The following MEGF11 variants were observed in gnomAD, a reference collection of about 807,000 sequenced individuals.
MEGF11 encodes multiple epidermal growth factor-like domains protein 11.
MEGF11 carries 126 observed loss-of-function variants against 146.6 expected under a neutral mutation model. The ratio of observed to expected loss-of-function variants is 0.86; its 90% CI spans 0.74 to 1.00. The LOEUF (loss-of-function observed/expected upper bound fraction) is 1.00, where lower values mean the gene tolerates loss of function less well. Among genes scored for constraint, MEGF11 ranks in the 50% least tolerant of loss-of-function variants. The pLI, the probability that MEGF11 is intolerant of heterozygous loss-of-function variation, is 0.00. For synonymous variants in MEGF11, 532 were observed against 583.4 expected, an observed-to-expected ratio of 0.91 and a Z score of 1.27; for missense variants, 1,509 against 1,521.2, an observed-to-expected ratio of 0.99 and a Z score of 0.13.
At chr15:65,932,766 G>A (rs75069860) in intron 10 of MEGF11, among the ~76,000 whole-genome samples, 1 of 151,960 alleles carries the variant, frequency 6.6e-6, no homozygotes, top group East Asian at 1.9e-4. Context: ...CGGAGCAAGT[G>A]GTCACTGGAT....
intron 21 of MEGF11, among the ~76,000 whole-genome samples, chr15:65,910,184 CT>C (rs1196894338): frequency 6.6e-6 from 1 of 152,142 alleles, no homozygotes; most frequent in Admixed American, 6.5e-5. Flanking sequence ...AGAGGGAAGT[CT>C]TGAGGCTGCC....
At chr15:65,918,656 C>T (rs2079079393) in intron 15 of MEGF11, among the ~76,000 whole-genome samples, 2 of 152,264 alleles carry the variant, frequency 1.3e-5, no homozygotes, top group South Asian at 4.1e-4. Flanking sequence ...AGCTCAACAT[C>T]TTCCTCAAGA....
intron 8 of MEGF11, among the ~76,000 whole-genome samples, chr15:65,965,613 CTTTTTT>C (rs1186551497): frequency 8.0e-4 from 43 of 53,552 alleles, no homozygotes; most frequent in South Asian, 1.9e-3. Flanking sequence ...TTTTTTTTTT[CTTTTTT>C]TTTTTTTTGG....
intron 5 of MEGF11, among the ~76,000 whole-genome samples, chr15:66,071,923 G>A (rs2085384432): frequency 1.3e-5 from 2 of 152,176 alleles, no homozygotes; most frequent in South Asian, 4.1e-4. Context: ...GCATCTGACG[G>A]AATAAATGAG....
At chr15:66,034,625 G>T (rs2140257374) in intron 5 of MEGF11, among the ~76,000 whole-genome samples, 1 of 152,148 alleles carries the variant, frequency 6.6e-6, no homozygotes, top group South Asian at 2.1e-4. Context: ...TTACCATGTT[G>T]CCCAGGATGG....
intron 4 of MEGF11, among the ~76,000 whole-genome samples, chr15:66,099,114 C>G (rs1013811403): frequency 1.3e-5 from 2 of 152,128 alleles, no homozygotes; most frequent in Non-Finnish European, 2.9e-5. Flanking sequence ...GCCAAACACT[C>G]TCCTGGGTTG....
chr15:66,233,245 T>C (rs112217701), intron 1 of MEGF11, among the ~76,000 whole-genome samples: 3 of 152,236 alleles, frequency 2.0e-5, no homozygotes, highest in Admixed American at 1.3e-4. Flanking sequence ...ATTATTATTT[T>C]GTTTGTTTGA....
intron 13 of MEGF11, among the ~76,000 whole-genome samples, chr15:65,923,868 GCCCCAGC>G (rs2079266898): frequency 6.6e-6 from 1 of 152,168 alleles, no homozygotes; most frequent in Admixed American, 6.5e-5. Flanking sequence ...GAGGCTGGAT[GCCCCAGC>G]TCTGGGGTAG....
At position 66,019,971 on chromosome 15, in the gene MEGF11, ACT is replaced by A. The variant is rs369445433; in HGVS notation, c.395-37485_395-37484del. ...GCCCATTCCAAGACAGCCCATGGCC[ACT>A]CCGGTAAGCACACGGAGGTGGGGTT... On this transcript the variant is annotated intron_variant, in intron 5 of 25. Transcript: ENST00000395614. 1.3e-4 allele frequency among the ~76,000 whole-genome samples: 20 copies of A among 151,934 alleles called. No homozygotes were observed. The East Asian group carries it at 3.3e-3, about 25-fold the overall frequency.
intron 1 of MEGF11, among the ~76,000 whole-genome samples, chr15:66,212,066 A>G (rs2091472420): frequency 6.9e-4 from 1 of 1,446 alleles, no homozygotes; most frequent in Non-Finnish European, 1.8e-3. Flanking sequence ...AGGGGGAGAC[A>G]GCCCAACCTC....
At chr15:65,909,602 G>A in intron 22 of MEGF11, 138 bp downstream of exon 22, 1 of 796,864 alleles carries the variant, frequency 1.3e-6, no homozygotes, top group South Asian at 1.7e-5. Context: ...TCATCTGCTT[G>A]TGAGAGCCAA....
intron 21 of MEGF11, among the ~76,000 whole-genome samples, chr15:65,911,613 A>G (rs927599941): frequency 6.6e-6 from 1 of 152,138 alleles, no homozygotes; most frequent in Non-Finnish European, 1.5e-5. Flanking sequence ...GGGTTTCACC[A>G]TCTTGGCCAG....
rs145105708 is a variant in MEGF11 at position 66,122,303 on chromosome 15, G to A, written c.200+1596C>T. Among the ~76,000 whole-genome samples the A allele has an allele frequency of 3.4e-3, 523 of 151,610 alleles. 2 individuals carry two copies. Among genetic ancestry groups the A allele is most frequent in the African/African-American group, 0.012 (489 of 41,324 alleles). ...CTATGCAGAAAAAAAAAAGCAATCA[G>A]TGAAGACCAACCCTGAGATGACCCA... is the stretch of plus-strand genomic sequence containing the variant. On this transcript the variant is annotated intron_variant, in intron 3 of 25. Coordinates refer to ENST00000395614, the MANE Select transcript of MEGF11 (RefSeq NM_001385028.1).
chr15:65,918,169 A>G, intron 15 of MEGF11, 75 bp from the exon 16 acceptor site: 1 of 1,587,808 alleles, frequency 6.3e-7, no homozygotes, highest in Non-Finnish European at 8.6e-7. Flanking sequence ...CCTCATCCCT[A>G]GAAGTTCCCA....
Position 66,050,015 on chromosome 15 carries a change from C to T in MEGF11, c.394+44387G>A, listed in dbSNP as rs562395721. Among the ~76,000 whole-genome samples, 65 of 152,296 alleles carry T rather than the reference C, an allele frequency of 4.3e-4. 1 individual carries two copies. The highest frequency in any genetic ancestry group is 1.4e-3 in the South Asian group (7 of 4,830). The stretch of plus-strand genomic sequence containing the variant: ...ACTGAGGATACAGTCAAGAATTAGA[C>T]AAATCTAGTCTCTGCTCTCATGGAA... On this transcript the variant is annotated intron_variant, in intron 5 of 25. Coordinates refer to ENST00000395614, the MANE Select transcript of MEGF11 (RefSeq NM_001385028.1).
At chr15:65,907,664 T>C (rs2141167151) in intron 23 of MEGF11, among the ~76,000 whole-genome samples, 1 of 152,354 alleles carries the variant, frequency 6.6e-6, no homozygotes, top group Non-Finnish European at 1.5e-5. Flanking sequence ...TGCAACTGCC[T>C]ATATGCTGGC....
intron 1 of MEGF11, among the ~76,000 whole-genome samples, chr15:66,194,222 AT>A (rs2140062966): frequency 6.6e-6 from 1 of 152,340 alleles, no homozygotes; most frequent in Admixed American, 6.5e-5. Flanking sequence ...GGAGACCTTT[AT>A]TCTAAGGGAA....
chr15:66,076,308 C>T (rs1459228711), intron 5 of MEGF11, among the ~76,000 whole-genome samples: 1 of 148,958 alleles, frequency 6.7e-6, no homozygotes, highest in Non-Finnish European at 1.5e-5. Flanking sequence ...AAGCAGGCAG[C>T]CAAACTTGAT....
chr15:66,182,003 TAG>T (rs1197819530), intron 1 of MEGF11, among the ~76,000 whole-genome samples: 1 of 152,178 alleles, frequency 6.6e-6, no homozygotes. Flanking sequence ...TGGCATTTGG[TAG>T]AGTCTCATTA....
Sources: gnomAD v4.1 joint callset for allele counts (sites outside exome capture counted in the v4.1 genomes callset) on GRCh38, gnomAD v4.1.1 for gene constraint, MANE v1.5 for transcripts, NCBI Gene and HGNC (gene_info 2026-07-23, HGNC 2026-07-21) for gene names.